MTMR3: variants seen among roughly 807,000 people sequenced by gnomAD.
The protein encoded by MTMR3 is myotubularin related protein 3, also known as phosphatidylinositol-3,5-bisphosphate 3-phosphatase MTMR3.
Under a neutral mutation model 132.4 loss-of-function variants are expected in MTMR3, and 32 were observed. That is an observed-to-expected ratio of 0.24 (90% CI 0.18 to 0.32). The LOEUF (loss-of-function observed/expected upper bound fraction) is 0.32, where lower values mean the gene tolerates loss of function less well. MTMR3 is among the 10% of genes least tolerant of loss of function. The pLI is 1.00. For synonymous variants in MTMR3, 556 were observed against 550.3 expected (o/e 1.01, Z -0.14); for missense variants, 1,216 against 1,489.6 (o/e 0.82, Z 3.02).
intron 19 of MTMR3, chr22:30,025,232 G>A (rs1223163027): frequency 2.1e-5 from 4 of 188,944 alleles, no homozygotes; most frequent in Non-Finnish European, 3.3e-5. Flanking sequence ...CGTTTGAGGA[G>A]CCTGGCCTCT....
chr22:30,023,347 C>T (rs757007371), intron 19 of MTMR3: 4 of 1,091,768 alleles, frequency 3.7e-6, no homozygotes, highest in Non-Finnish European at 4.2e-6. Context: ...ATGGAACAGT[C>T]TCTTTGCCTA....
At chr22:29,912,330 C>T (rs1267505447) in intron 1 of MTMR3, among the ~76,000 whole-genome samples, 1 of 152,174 alleles carries the variant, frequency 6.6e-6, no homozygotes, top group East Asian at 1.9e-4. Context: ...CGCTTTGTCA[C>T]CCAGGCTGGA....
chr22:29,969,835 G>C (rs556424517), intron 2 of MTMR3, among the ~76,000 whole-genome samples: 1 of 152,228 alleles, frequency 6.6e-6, no homozygotes, highest in South Asian at 2.1e-4. Context: ...CGGCCAAAAT[G>C]ATTCTTTAGA....
At chr22:30,016,050 T>A (rs1397562071) in intron 14 of MTMR3, 1 of 170,746 alleles carries the variant, frequency 5.9e-6, no homozygotes, top group Non-Finnish European at 1.3e-5. Flanking sequence ...CACTGGTCAC[T>A]CTTCAGCTAT....
rs765776148 is a variant in MTMR3, at chr22:30,022,054, A to G, written c.3251A>G (p.Asn1084Ser). 1.5e-5 allele frequency: 24 copies of G among 1,614,158 alleles called. No homozygotes were observed. The South Asian group carries it at 1.5e-4, about 10-fold the overall frequency. ...ACTTCAATCCCCGACTCGGAAAGCA[A>G]TCTGGATCAGAACTGTTTGTCTCGC... ...EVTSIPDSESNLDQNCLSRCS... is the reference protein window; with the variant it reads ...EVTSIPDSESSLDQNCLSRCS... Residue 1084 changes from asparagine (N) to serine (S), a missense_variant, in exon 18 of 20, where the codon AAT (asparagine) becomes AGT (serine). This residue lies in a region of MTMR3 where 852 missense variants were observed against 852.0 expected (regional missense o/e 1.00). Coordinates refer to ENST00000401950, the MANE Select transcript of MTMR3 (RefSeq NM_021090.4).
intron 2 of MTMR3, 25 bp from the exon 3 acceptor site, chr22:29,970,951 T>TTCCCCTCTTCC: frequency 5.9e-6 from 4 of 680,382 alleles, no homozygotes; most frequent in Non-Finnish European, 9.1e-6. Context: ...TTTTTCTTCT[T>TTCCCCTCTTCC]CCCCCTCTTC....
At chr22:29,904,357 G>A (rs2145731994) in intron 1 of MTMR3, among the ~76,000 whole-genome samples, 1 of 152,350 alleles carries the variant, frequency 6.6e-6, no homozygotes, top group Admixed American at 6.5e-5. Flanking sequence ...TGCACTGCTA[G>A]TGAGTAGCTG....
At chr22:29,913,995 C>T (rs2084050482) in intron 1 of MTMR3, among the ~76,000 whole-genome samples, 1 of 152,218 alleles carries the variant, frequency 6.6e-6, no homozygotes, top group Admixed American at 6.5e-5. Flanking sequence ...CGTGATCCGC[C>T]CACCTCAACC....
chr22:29,935,059 T>C (rs1006350401), intron 1 of MTMR3, among the ~76,000 whole-genome samples: 1 of 152,242 alleles, frequency 6.6e-6, no homozygotes, highest in Admixed American at 6.5e-5. Context: ...TGGATACTTC[T>C]GTAATGAAGA....
At chr22:29,919,648 C>T (rs768787321) in intron 1 of MTMR3, among the ~76,000 whole-genome samples, 1 of 151,784 alleles carries the variant, frequency 6.6e-6, no homozygotes, top group East Asian at 1.9e-4. Flanking sequence ...TCAGCCTCCT[C>T]AGTAGCTAAG....
intron 1 of MTMR3, among the ~76,000 whole-genome samples, chr22:29,938,348 C>T (rs1039757073): frequency 3.3e-5 from 5 of 152,206 alleles, no homozygotes; most frequent in South Asian, 2.1e-4. Flanking sequence ...TTATAATTTT[C>T]GCTTTGTCAT....
At position 29,945,930 on chromosome 22, in the gene MTMR3, T is replaced by C. The variant is rs1305645546; in HGVS notation, c.-137-11106T>C. ...GAGAGAAATTTTAGGAAAACTTCTA[T>C]TGAAGGACTACGACAGGGAGTGTTA... is the stretch of plus-strand genomic sequence containing the variant. On this transcript the variant is annotated intron_variant, in intron 1 of 19. Coordinates refer to ENST00000401950, the MANE Select transcript of MTMR3 (RefSeq NM_021090.4). Among the ~76,000 whole-genome samples, 3 of 152,142 alleles carry C rather than the reference T, an allele frequency of 2.0e-5. No individual in the cohort carries two copies. The East Asian group carries it at 5.8e-4, about 29-fold the overall frequency.
At chr22:30,024,751 T>TA (rs1417222681) in intron 19 of MTMR3, 4 of 152,260 alleles carry the variant, frequency 2.6e-5, no homozygotes, top group Non-Finnish European at 4.4e-5. Context: ...CCAGCAAAAG[T>TA]AGAGTTGTAA....
At chr22:29,912,084 G>A (rs2065224853) in intron 1 of MTMR3, among the ~76,000 whole-genome samples, 1 of 151,826 alleles carries the variant, frequency 6.6e-6, no homozygotes, top group Non-Finnish European at 1.5e-5. Context: ...TGTATAGTAA[G>A]CATTAGTGAA....
At chr22:29,979,179 C>G in intron 5 of MTMR3, 127 bp downstream of exon 5, 1 of 681,776 alleles carries the variant, frequency 1.5e-6, no homozygotes, top group Non-Finnish European at 2.5e-6. Flanking sequence ...CTGCTTTTCT[C>G]ACTTAATTTA....
Position 30,019,733 on chromosome 22 carries a change from A to G in MTMR3, c.2074A>G (p.Ile692Val). The G allele has an allele frequency of 4.3e-6, 7 of 1,614,194 alleles. No homozygotes were observed. The highest frequency in any genetic ancestry group is 5.9e-6 in the Non-Finnish European group (7 of 1,180,036). The change falls in exon 17 of 20, where the codon ATC (isoleucine) becomes GTC (valine). Residue 692 changes from isoleucine (I) to valine (V), a missense_variant. By Grantham distance (29) the Ile-to-Val change is conservative (BLOSUM62 3). This residue lies in a region of MTMR3 where 852 missense variants were observed against 852.0 expected (regional missense o/e 1.00). Coordinates refer to ENST00000401950, the MANE Select transcript of MTMR3 (RefSeq NM_021090.4). ...AGVAEGQMEN[I>V]LQEATKEESG... Reference sequence around the variant, plus strand: ...AGTAGCTGAGGGGCAGATGGAGAACATCTTGCAGGAGGCCACCAAAGAGGA... The same window carrying G: ...AGTAGCTGAGGGGCAGATGGAGAACGTCTTGCAGGAGGCCACCAAAGAGGA...
intron 1 of MTMR3, among the ~76,000 whole-genome samples, chr22:29,928,171 CTTTTTTTTT>C (rs66896756): frequency 8.4e-5 from 9 of 107,704 alleles, no homozygotes; most frequent in Non-Finnish European, 1.3e-4. Context: ...TTTTTTTTTT[CTTTTTTTTT>C]TTTTTTTTTT....
chr22:29,892,086 G>C (rs2064810941), intron 1 of MTMR3, among the ~76,000 whole-genome samples: 1 of 151,920 alleles, frequency 6.6e-6, no homozygotes, highest in Non-Finnish European at 1.5e-5. Context: ...CCAGGAGGCG[G>C]AGGTTGCAGT....
chr22:30,023,147 C>T, intron 19 of MTMR3: 1 of 440,930 alleles, frequency 2.3e-6, no homozygotes, highest in Non-Finnish European at 4.1e-6. Flanking sequence ...GTAGTAGAGA[C>T]AGCTGAGGAC....
Sources: allele counts gnomAD v4.1 joint callset (sites outside exome capture counted in the v4.1 genomes callset), GRCh38; gene constraint gnomAD v4.1.1; regional missense constraint gnomAD v4.1.1; transcripts MANE v1.5; gene names NCBI Gene and HGNC (gene_info 2026-07-23, HGNC 2026-07-21).